The following NAA35 variants were observed in gnomAD, a reference collection of about 807,000 sequenced individuals.
NAA35 encodes N-alpha-acetyltransferase 35, NatC auxiliary subunit.
NAA35 carries 18 observed loss-of-function variants against 101.7 expected under a neutral mutation model. That is an observed-to-expected ratio of 0.18 (90% CI 0.12 to 0.26). The LOEUF (loss-of-function observed/expected upper bound fraction) is 0.26. NAA35 is among the 10% of genes least tolerant of loss of function. The probability of loss-of-function intolerance (pLI) is 1.00; values close to 1 mark genes in which losing one functional copy is unlikely to be tolerated. For missense variants in NAA35, 601 were observed against 886.8 expected, an observed-to-expected ratio of 0.68 and a Z score of 4.09; for synonymous variants, 267 against 273.1, an observed-to-expected ratio of 0.98 and a Z score of 0.22.
intron 11 of NAA35, among the ~76,000 whole-genome samples, chr9:85,983,518 C>G (rs1830522137): frequency 6.6e-6 from 1 of 151,696 alleles, no homozygotes; most frequent in East Asian, 1.9e-4. Flanking sequence ...GGGTGGAAAT[C>G]TCTAGCCTGA....
At position 85,985,017 on chromosome 9, in the gene NAA35, A is replaced by T. The variant is rs770834872; in HGVS notation, c.877+6636A>T. Among the ~76,000 whole-genome samples, 3 of 152,264 alleles carry T rather than the reference A, an allele frequency of 2.0e-5. No homozygotes were observed. In the East Asian group the frequency reaches 5.8e-4, roughly 29 times the overall value. On this transcript the variant is annotated intron_variant, in intron 11 of 22. Transcript: ENST00000361671. ...GAGATTTGAACAGACATTTCTCCAG[A>T]TAAGATTTGCAAATGGACAAAAAGT...
chr9:85,949,016 C>T (rs971961247), intron 2 of NAA35, among the ~76,000 whole-genome samples: 3 of 152,122 alleles, frequency 2.0e-5, no homozygotes, highest in African/African-American at 7.2e-5. Context: ...CTCAGCCTCC[C>T]AAAGTGCTGG....
At chr9:86,003,104 G>T (rs1297538483) in intron 12 of NAA35, among the ~76,000 whole-genome samples, 1 of 152,174 alleles carries the variant, frequency 6.6e-6, no homozygotes, top group Non-Finnish European at 1.5e-5. Context: ...AGTGGGGTAT[G>T]TTAGTGAGGT....
intron 11 of NAA35, among the ~76,000 whole-genome samples, chr9:85,988,373 A>T (rs1830740105): frequency 6.6e-6 from 1 of 152,226 alleles, no homozygotes; most frequent in Non-Finnish European, 1.5e-5. Context: ...TTAAGACTAA[A>T]AGAAGAAGTA....
At chr9:85,984,052 G>A (rs1249237509) in intron 11 of NAA35, among the ~76,000 whole-genome samples, 1 of 150,486 alleles carries the variant, frequency 6.6e-6, no homozygotes, top group Non-Finnish European at 1.5e-5. Flanking sequence ...ATCACTGGAT[G>A]TGGTAGCCCA....
At chr9:86,010,867 G>A (rs993484824) in intron 15 of NAA35, among the ~76,000 whole-genome samples, 8 of 150,968 alleles carry the variant, frequency 5.3e-5, no homozygotes, top group African/African-American at 9.7e-5. Context: ...GTGAGCCACC[G>A]CGCCTGGCCT....
intron 22 of NAA35, 68 bp downstream of exon 22, chr9:86,021,037 ATG>A: frequency 4.4e-6 from 5 of 1,130,032 alleles, no homozygotes; most frequent in Non-Finnish European, 5.1e-6. Context: ...TTGCAATAAG[ATG>A]TGTAAATATT....
intron 15 of NAA35, among the ~76,000 whole-genome samples, chr9:86,010,648 C>G (rs960275271): frequency 6.8e-6 from 1 of 147,210 alleles, no homozygotes; most frequent in Non-Finnish European, 1.5e-5. Context: ...AATCTTGGCT[C>G]ACTGCAAGCT....
intron 11 of NAA35, chr9:85,986,400 A>G (rs1268493717): frequency 8.5e-6 from 4 of 469,812 alleles, no homozygotes; most frequent in African/African-American, 4.0e-5. Flanking sequence ...GTGTGCAGGC[A>G]TGTAATTTGT....
At chr9:86,015,850 A>G (rs1832183424) in intron 17 of NAA35, 1 of 862,522 alleles carries the variant, frequency 1.2e-6, no homozygotes, top group Non-Finnish European at 1.4e-6. Context: ...ATTAAGATAT[A>G]TGAGTTGTTA....
chr9:85,963,097 G>T (rs1260374236), intron 6 of NAA35, among the ~76,000 whole-genome samples: 2 of 152,012 alleles, frequency 1.3e-5, no homozygotes, highest in Non-Finnish European at 2.9e-5. Flanking sequence ...AAATTCTTCT[G>T]TTGAAACTGA....
intron 6 of NAA35, among the ~76,000 whole-genome samples, chr9:85,969,687 C>A (rs1308629441): frequency 6.6e-6 from 1 of 152,048 alleles, no homozygotes; most frequent in East Asian, 1.9e-4. Flanking sequence ...CACAGCAAGA[C>A]CCCATCTACA....
At chr9:85,941,506 C>G (rs1828512227) in intron 1 of NAA35, 2 of 985,556 alleles carry the variant, frequency 2.0e-6, no homozygotes, top group South Asian at 9.4e-5. Flanking sequence ...CCCGCCCTCC[C>G]GCGCGGCGAC....
chr9:85,945,578 TGCA>T (rs1828723714), intron 2 of NAA35, among the ~76,000 whole-genome samples: 1 of 148,108 alleles, frequency 6.8e-6, no homozygotes, highest in Non-Finnish European at 1.5e-5. Context: ...CAGGCTGGAG[TGCA>T]GTGGTGCTGT....
At position 86,004,037 on chromosome 9, in the gene NAA35, A is replaced by G. The variant is rs189690268; in HGVS notation, c.1116+393A>G. ...AATATTTTGAACTGAATGAAAATTAAAATGTACCCAAATCTGTGAGATACA... is the reference window on the plus strand; with the variant it reads ...AATATTTTGAACTGAATGAAAATTAGAATGTACCCAAATCTGTGAGATACA... On this transcript the variant is annotated intron_variant, in intron 13 of 22. Transcript: ENST00000361671. Among the ~76,000 whole-genome samples, 13 of 152,312 alleles carry G rather than the reference A, an allele frequency of 8.5e-5. 1 individual carries two copies. The East Asian group carries it at 2.5e-3, about 29-fold the overall frequency.
At chr9:85,951,299 T>A (rs900661406) in intron 2 of NAA35, among the ~76,000 whole-genome samples, 1 of 152,218 alleles carries the variant, frequency 6.6e-6, no homozygotes. Context: ...GGCAATTGAA[T>A]TCTCATATTT....
At chr9:85,942,809 G>A (rs1035915041) in intron 2 of NAA35, among the ~76,000 whole-genome samples, 2 of 152,158 alleles carry the variant, frequency 1.3e-5, no homozygotes, top group Admixed American at 6.5e-5. Flanking sequence ...ACACACCAAG[G>A]TGGTTCTCCC....
At chr9:85,958,734 TTGTA>T in intron 4 of NAA35, 148 bp downstream of exon 4, 1 of 458,792 alleles carries the variant, frequency 2.2e-6, no homozygotes, top group East Asian at 3.5e-5. Flanking sequence ...GTTATAACCT[TTGTA>T]TGTTAAAGTC....
intron 11 of NAA35, among the ~76,000 whole-genome samples, chr9:85,985,090 A>G (rs756208925): frequency 2.0e-5 from 3 of 152,256 alleles, no homozygotes; most frequent in Non-Finnish European, 4.4e-5. Flanking sequence ...AATGCAAATC[A>G]AAATGAAAAG....
Sources: allele counts gnomAD v4.1 joint callset (sites outside exome capture counted in the v4.1 genomes callset), GRCh38; gene constraint gnomAD v4.1.1; transcripts MANE v1.5; gene names NCBI Gene and HGNC (gene_info 2026-07-23, HGNC 2026-07-21).